The following PTPN14 variants were observed in gnomAD, a reference collection of about 807,000 sequenced individuals.
PTPN14 encodes tyrosine-protein phosphatase non-receptor type 14.
PTPN14 carries 53 observed loss-of-function variants against 126.8 expected under a neutral mutation model. The ratio of observed to expected loss-of-function variants is 0.42; its 90% CI spans 0.34 to 0.53. PTPN14 has a LOEUF of 0.53. PTPN14 is among the 20% of genes least tolerant of loss of function. PTPN14 has a pLI of 0.08. For synonymous variants in PTPN14, 630 were observed against 599.3 expected, an observed-to-expected ratio of 1.05 and a Z score of -0.75; for missense variants, 1,257 against 1,552.9, an observed-to-expected ratio of 0.81 and a Z score of 3.20.
chr1:214,491,077 G>C (rs972724196), intron 1 of PTPN14, among the ~76,000 whole-genome samples: 2 of 141,098 alleles, frequency 1.4e-5, no homozygotes, highest in African/African-American at 3.2e-5. Context: ...GAAAGAAAGA[G>C]AAAGAAAGAA....
intron 15 of PTPN14, among the ~76,000 whole-genome samples, chr1:214,375,778 T>C (rs940760404): frequency 1.3e-5 from 2 of 152,256 alleles, no homozygotes; most frequent in South Asian, 2.1e-4. Flanking sequence ...CGCGCTTTTA[T>C]AAAATGCATA....
At chr1:214,368,799 A>G (rs1004894968) in intron 17 of PTPN14, among the ~76,000 whole-genome samples, 3 of 152,160 alleles carry the variant, frequency 2.0e-5, no homozygotes, top group Non-Finnish European at 2.9e-5. Context: ...CCTGGCGAAC[A>G]TGGTGAAACC....
chr1:214,508,987 T>C (rs575722923), intron 1 of PTPN14, among the ~76,000 whole-genome samples: 1 of 152,350 alleles, frequency 6.6e-6, no homozygotes, highest in African/African-American at 2.4e-5. Context: ...ACAGATGTGC[T>C]ATCATCCAGG....
At chr1:214,386,729 C>A (rs924894828) in intron 12 of PTPN14, 115 bp downstream of exon 12, 3 of 1,099,894 alleles carry the variant, frequency 2.7e-6, no homozygotes, top group African/African-American at 3.1e-5. Flanking sequence ...GTCATTCAGA[C>A]GATGACAAAG....
At chr1:214,510,631 T>C (rs1654950704) in intron 1 of PTPN14, among the ~76,000 whole-genome samples, 1 of 152,232 alleles carries the variant, frequency 6.6e-6, no homozygotes, top group South Asian at 2.1e-4. Context: ...TCACCTGATT[T>C]GCCCTCCCAA....
At chr1:214,401,815 G>A (rs762495822) in intron 6 of PTPN14, 43 bp from the exon 7 acceptor site, 1 of 1,465,168 alleles carries the variant, frequency 6.8e-7, no homozygotes, top group Admixed American at 1.8e-5. Context: ...GTTAAGGGCA[G>A]CCAGTGGAAG....
chr1:214,535,959 T>A (rs1338190961), intron 1 of PTPN14, among the ~76,000 whole-genome samples: 1 of 152,180 alleles, frequency 6.6e-6, no homozygotes, highest in Non-Finnish European at 1.5e-5. Flanking sequence ...CACAAAAATG[T>A]TCACTATATC....
chr1:214,384,739 G>T lies in PTPN14; in HGVS notation c.1116C>A (p.Asn372Lys). ...CATTTAAATAATTTAAGTCCAGGCT[G>T]TTGTGAGAGTTGCAATACAAGGCTT... Reference protein sequence around the residue: ...NEEALYCNSHNSLDLNYLNGT... With the variant: ...NEEALYCNSHKSLDLNYLNGT... Residue 372 changes from asparagine (N) to lysine (K), a missense_variant, in exon 13 of 19, where the codon AAC (asparagine) becomes AAA (lysine). Physicochemically the swap from Asn to Lys is moderately conservative, Grantham distance 94 (BLOSUM62 0). This residue lies in a region of PTPN14 where 1,021 missense variants were observed against 1,183.3 expected (regional missense o/e 0.86). Transcript: ENST00000366956. This position sits in a 1 kb window ranked among gnomAD's most constrained non-coding sequence, Gnocchi z 5.3. 1 of 1,614,084 alleles carries T rather than the reference G, an allele frequency of 6.2e-7. No homozygotes were observed.
At chr1:214,436,368 A>G (rs1659915617) in intron 3 of PTPN14, among the ~76,000 whole-genome samples, 1 of 151,866 alleles carries the variant, frequency 6.6e-6, no homozygotes, top group Non-Finnish European at 1.5e-5. Flanking sequence ...TATATAACAA[A>G]CCCACACGTA....
Position 214,383,536 on chromosome 1 carries a change from G to C in PTPN14, c.2319C>G (p.Pro773=). 1 of 1,613,948 alleles carries C rather than the reference G, an allele frequency of 6.2e-7. No individual in the cohort carries two copies. The highest frequency in any genetic ancestry group is 8.5e-7 in the Non-Finnish European group (1 of 1,179,916). The change falls in exon 13 of 19, where the codon CCC becomes CCG. Residue 773 remains proline, a synonymous_variant. Transcript: ENST00000366956. This position sits in a 1 kb window ranked among gnomAD's most constrained non-coding sequence, Gnocchi z 4.4. The stretch of plus-strand genomic sequence containing the variant: ...TCAGCACCCTGGCTCTGGCCATGGC[G>C]GGAGGAAGGCTGGCTTGGTCCTGCC... ...ALRQDQASLP[P]AMARARVLRH... is the part of the protein sequence containing the mutation.
rs1004453400 is a variant in PTPN14 at position 214,355,452 on chromosome 1, A to T, written c.*2470T>A. On this transcript the variant is annotated 3_prime_UTR_variant, in exon 19 of 19. Transcript: ENST00000366956. Reference sequence around the variant, plus strand: ...CCAAGGATGGAAAAACCTCCAAGGAAAGGAAACAAGTATCTTTTTGCTTAT... The same window carrying T: ...CCAAGGATGGAAAAACCTCCAAGGATAGGAAACAAGTATCTTTTTGCTTAT... 4 of 152,240 alleles carry T rather than the reference A, an allele frequency of 2.6e-5. No individual in the cohort carries two copies. Among genetic ancestry groups the T allele is most frequent in the Non-Finnish European group, 4.4e-5 (3 of 68,034 alleles). 9.4% of individuals were successfully genotyped at this position (152,240 alleles called of 1,614,324 possible). A position where few individuals can be genotyped will look rare whatever the true frequency, so the allele number is the denominator to read the frequency against.
chr1:214,390,793 T>TA (rs143664267), intron 11 of PTPN14, among the ~76,000 whole-genome samples, 195 bp downstream of exon 11: 92 of 152,240 alleles, frequency 6.0e-4, no homozygotes, highest in African/African-American at 2.0e-3. Flanking sequence ...CAGCCACACT[T>TA]AGAGTAGTGG....
intron 1 of PTPN14, among the ~76,000 whole-genome samples, chr1:214,546,383 T>C (rs1190296803): frequency 1.3e-5 from 2 of 152,188 alleles, no homozygotes; most frequent in Non-Finnish European, 2.9e-5. Flanking sequence ...CAGAGGTGAA[T>C]TTCCAAAGAC....
intron 1 of PTPN14, among the ~76,000 whole-genome samples, chr1:214,499,695 C>T (rs114637888): frequency 0.012 from 1,755 of 152,182 alleles, 28 homozygotes; most frequent in African/African-American, 0.04. Context: ...CCAGAGTTCA[C>T]GTAACTGCAG....
chr1:214,525,811 C>T (rs563372069), intron 1 of PTPN14, among the ~76,000 whole-genome samples: 88 of 152,254 alleles, frequency 5.8e-4, no homozygotes, highest in African/African-American at 1.9e-3. Flanking sequence ...ATTCCACAGG[C>T]GTGCACTTTC....
At chr1:214,495,777 C>G (rs970388945) in intron 1 of PTPN14, among the ~76,000 whole-genome samples, 4 of 152,164 alleles carry the variant, frequency 2.6e-5, no homozygotes, top group Non-Finnish European at 5.9e-5. Context: ...TCACCGCAAC[C>G]TCCGCCTCCC....
chr1:214,362,495 T>A (rs1657979158), intron 18 of PTPN14, among the ~76,000 whole-genome samples: 1 of 152,222 alleles, frequency 6.6e-6, no homozygotes. Flanking sequence ...ACTGGCCGAA[T>A]CCCTTACTCC....
intron 1 of PTPN14, among the ~76,000 whole-genome samples, chr1:214,471,078 T>TA (rs1553269852): frequency 1.8e-5 from 2 of 113,888 alleles, no homozygotes; most frequent in Non-Finnish European, 4.0e-5. Context: ...CCCCTAAATC[T>TA]TTTTTTTTTT....
At chr1:214,470,501 G>A (rs187217617) in intron 1 of PTPN14, among the ~76,000 whole-genome samples, 87 of 152,138 alleles carry the variant, frequency 5.7e-4, no homozygotes, top group Middle Eastern at 3.4e-3. Flanking sequence ...CACTGCACTT[G>A]GCCAGGCACG....
Sources: allele counts gnomAD v4.1 joint callset (sites outside exome capture counted in the v4.1 genomes callset), GRCh38; gene constraint gnomAD v4.1.1; regional missense constraint gnomAD v4.1.1; non-coding constraint Gnocchi (gnomAD v3.1); transcripts MANE v1.5; gene names NCBI Gene and HGNC (gene_info 2026-07-23, HGNC 2026-07-21).